BCKDK: variants seen among roughly 807,000 people sequenced by gnomAD.
The protein encoded by BCKDK is branched chain keto acid dehydrogenase kinase, also known as branched-chain alpha-ketoacid dehydrogenase kinase.
In BCKDK, 28 loss-of-function variants were observed where a neutral mutation model predicts 43.9. The ratio of observed to expected loss-of-function variants is 0.64; its 90% CI spans 0.47 to 0.87. The LOEUF is 0.87. BCKDK is among the 40% of genes least tolerant of loss of function. The pLI is 0.00. For synonymous variants in BCKDK, 257 were observed against 234.3 expected (o/e 1.10, Z -0.88); for missense variants, 483 against 581.4 (o/e 0.83, Z 1.74).
intron 10 of BCKDK, 141 bp from the exon 11 acceptor site, chr16:31,111,728 A>G: frequency 8.7e-7 from 1 of 1,144,856 alleles, no homozygotes; most frequent in South Asian, 1.5e-5. Flanking sequence ...GATGATATAA[A>G]CAAGGCCCAA....
In BCKDK at chr16:31,109,309, C is replaced by T. The variant is rs762482788; in HGVS notation, c.86C>T (p.Ala29Val). ...PLLGPALALR[A>V]RSTSATDTHH... ...CTGGGACCCGCACTCGCGCTCCGGG[C>T]CCGCTCGACGTCGGCCACCGACACA... Residue 29 changes from alanine (A) to valine (V), a missense_variant, in exon 2 of 12, where the codon GCC (alanine) becomes GTC (valine). Coordinates refer to ENST00000219794, the MANE Select transcript of BCKDK (RefSeq NM_005881.4). The surrounding 1 kb of genome is among the most constrained non-coding windows in gnomAD (Gnocchi z 5.3). The T allele has an allele frequency of 2.4e-5, 39 of 1,607,796 alleles. No homozygotes were observed. Among genetic ancestry groups the T allele is most frequent in the Middle Eastern group, 1.7e-4 (1 of 6,052 alleles).
downstream of BCKDK, among the ~76,000 whole-genome samples, chr16:31,116,786 G>A (rs145568263): frequency 6.3e-4 from 95 of 151,632 alleles, 1 homozygote; most frequent in East Asian, 0.016. Context: ...GCGTGGTGGC[G>A]CGCGATTGTA....
In BCKDK at chr16:31,112,570, T is replaced by C; in HGVS notation, c.*305T>C. 2.0e-6 allele frequency: 1 copy of C among 492,576 alleles called. No homozygotes were observed. Among genetic ancestry groups the C allele is most frequent in the Non-Finnish European group, 3.7e-6 (1 of 267,582 alleles). 30.5% of individuals were successfully genotyped at this position (492,576 alleles called of 1,614,324 possible). A position where few individuals can be genotyped will look rare whatever the true frequency, so the allele number is the denominator to read the frequency against. ...TAAAGTTCACATTTTGAATGCCCTCTCGGGCCCCGTGTGTGGGGAGGGCAG... is the reference window on the plus strand; with the variant it reads ...TAAAGTTCACATTTTGAATGCCCTCCCGGGCCCCGTGTGTGGGGAGGGCAG... On this transcript the variant is annotated 3_prime_UTR_variant, in exon 12 of 12. Transcript: ENST00000219794. This position sits in a 1 kb window ranked among gnomAD's most constrained non-coding sequence, Gnocchi z 5.0.
Position 31,109,079 on chromosome 16 carries a change from A to C in BCKDK, c.-145A>C. On this transcript the variant is annotated 5_prime_UTR_variant, in exon 2 of 12. Transcript: ENST00000219794. This position sits in a 1 kb window ranked among gnomAD's most constrained non-coding sequence, Gnocchi z 5.3. ...CTGCTCTCCGCGGGCTGAGCCTGTC[A>C]GCATCCTCGACGCACCCTGGTCCCT... is the stretch of plus-strand genomic sequence containing the variant. 1 of 677,998 alleles carries C rather than the reference A, an allele frequency of 1.5e-6. No individual in the cohort carries two copies. The highest frequency in any genetic ancestry group is 2.3e-6 in the Non-Finnish European group (1 of 436,254). 42.0% of individuals were successfully genotyped at this position (677,998 alleles called of 1,614,324 possible).
At chr16:31,112,803 G>A (rs191511774), downstream of BCKDK, 96 of 212,464 alleles carry the variant, frequency 4.5e-4, no homozygotes, top group East Asian at 0.011. The surrounding 1 kb of genome is among the most constrained non-coding windows in gnomAD (Gnocchi z 5.0). Flanking sequence ...AAATGTTTCC[G>A]GGTCCCAGAT....
rs1260602718 is a variant in BCKDK, at chr16:31,109,182, T to C, written c.-42T>C. On this transcript the variant is annotated 5_prime_UTR_variant, in exon 2 of 12. Coordinates refer to ENST00000219794, the MANE Select transcript of BCKDK (RefSeq NM_005881.4). This position sits in a 1 kb window ranked among gnomAD's most constrained non-coding sequence, Gnocchi z 5.3. ...CGCCTGGGTCCTCAGTCCTAGCGGA[T>C]CCTCAGTCCTAGCGGCCACCGGGTC... 1 of 1,467,340 alleles carries C rather than the reference T, an allele frequency of 6.8e-7. No individual in the cohort carries two copies. Among genetic ancestry groups the C allele is most frequent in the Non-Finnish European group, 9.0e-7 (1 of 1,113,046 alleles). 90.9% of individuals were successfully genotyped at this position (1,467,340 alleles called of 1,614,324 possible).
downstream of BCKDK, chr16:31,117,397 TA>T (rs2057454437): frequency 1.7e-5 from 4 of 234,770 alleles, no homozygotes; most frequent in East Asian, 2.9e-4. Context: ...AATAAATAAA[TA>T]AATTAAAAAA....
Position 31,112,767 on chromosome 16 carries a change from A to C in BCKDK, c.*502A>C. The C allele has an allele frequency of 4.4e-6, 1 of 226,308 alleles. No individual in the cohort carries two copies. The highest frequency in any genetic ancestry group is 9.0e-6 in the Non-Finnish European group (1 of 110,940). 14.0% of individuals were successfully genotyped at this position (226,308 alleles called of 1,614,324 possible). ...TGGGATGACTGCAGCACCTTATACAAAGAGCTTTCATTCATCTTGTTGAAC... is the reference window on the plus strand; with the variant it reads ...TGGGATGACTGCAGCACCTTATACACAGAGCTTTCATTCATCTTGTTGAAC... On this transcript the variant is annotated 3_prime_UTR_variant, in exon 12 of 12. Transcript: ENST00000219794. This position sits in a 1 kb window ranked among gnomAD's most constrained non-coding sequence, Gnocchi z 5.0.
At position 31,109,322 on chromosome 16, in the gene BCKDK, G is replaced by T; in HGVS notation, c.99G>T (p.Ser33=). 1.2e-6 allele frequency: 2 copies of T among 1,608,692 alleles called. No individual in the cohort carries two copies. Residue 33 remains serine, a synonymous_variant, in exon 2 of 12, where the codon TCG becomes TCT. Coordinates refer to ENST00000219794, the MANE Select transcript of BCKDK (RefSeq NM_005881.4). The surrounding 1 kb of genome is among the most constrained non-coding windows in gnomAD (Gnocchi z 5.3). ...TCGCGCTCCGGGCCCGCTCGACGTC[G>T]GCCACCGACACACACCACGTGGAGA... ...PALALRARST[S]ATDTHHVEMA...
downstream of BCKDK, among the ~76,000 whole-genome samples, chr16:31,114,637 G>A (rs1367013014): frequency 6.6e-6 from 1 of 152,184 alleles, no homozygotes; most frequent in Non-Finnish European, 1.5e-5. Flanking sequence ...AATAGCCAAA[G>A]GGAATGTTTA....
chr16:31,109,162 G>A lies in BCKDK; in HGVS notation c.-62G>A. ...CCCCTTGCCCCATTTTGGGTCGCCT[G>A]GGTCCTCAGTCCTAGCGGATCCTCA... is the stretch of plus-strand genomic sequence containing the variant. On this transcript the variant is annotated 5_prime_UTR_variant, in exon 2 of 12. Coordinates refer to ENST00000219794, the MANE Select transcript of BCKDK (RefSeq NM_005881.4). The surrounding 1 kb of genome is among the most constrained non-coding windows in gnomAD (Gnocchi z 5.3). 4 of 1,410,926 alleles carry A rather than the reference G, an allele frequency of 2.8e-6. No individual in the cohort carries two copies. The highest frequency in any genetic ancestry group is 3.7e-6 in the Non-Finnish European group (4 of 1,079,594). The allele number at this position is 1,410,926 out of a possible 1,614,324, so 87.4% of individuals were successfully genotyped here. A position where few individuals can be genotyped will look rare whatever the true frequency, so the allele number is the denominator to read the frequency against.
rs910579083 is a variant in BCKDK, at chr16:31,108,477, G to A, written c.-180G>A. ...GGACCCGGGCCCTGGCTCCGGCCCC[G>A]CGGTAAGTGGGGCGACCCCAGCCTA... On this transcript the variant is annotated splice_region_variant and 5_prime_UTR_variant, in exon 1 of 12. Coordinates refer to ENST00000219794, the MANE Select transcript of BCKDK (RefSeq NM_005881.4). The surrounding 1 kb of genome is among the most constrained non-coding windows in gnomAD (Gnocchi z 6.2). 1 of 152,196 alleles carries A rather than the reference G, an allele frequency of 6.6e-6. No individual in the cohort carries two copies. Among genetic ancestry groups the A allele is most frequent in the Non-Finnish European group, 1.5e-5 (1 of 68,038 alleles). 9.4% of individuals were successfully genotyped at this position (152,196 alleles called of 1,614,324 possible).
In BCKDK at chr16:31,109,801, T is replaced by C. The variant is rs1468653951; in HGVS notation, c.375+18T>C. ...TGCACGTGGTAAGGTAGAGAGGACC[T>C]TAGGTCAGCGGGCCACCCTGCCCCG... On this transcript the variant is annotated intron_variant, in intron 4 of 11. Coordinates refer to ENST00000219794, the MANE Select transcript of BCKDK (RefSeq NM_005881.4). The surrounding 1 kb of genome is among the most constrained non-coding windows in gnomAD (Gnocchi z 5.3). 6.2e-7 allele frequency: 1 copy of C among 1,611,806 alleles called. No homozygotes were observed. The highest frequency in any genetic ancestry group is 8.5e-7 in the Non-Finnish European group (1 of 1,178,476).
rs2057413868 is a variant in BCKDK at position 31,111,743 on chromosome 16, CT to C, written c.936-125del. On this transcript the variant is annotated intron_variant, in intron 10 of 11. Coordinates refer to ENST00000219794, the MANE Select transcript of BCKDK (RefSeq NM_005881.4). ...GATGATATAAACAAGGCCCAAGGGT[CT>C]AGGTGGACCACATTCCAGCTCTGGG... The C allele has an allele frequency of 2.3e-6, 3 of 1,295,060 alleles. No homozygotes were observed. In the East Asian group the frequency reaches 6.9e-5, roughly 30 times the overall value. The allele number at this position is 1,295,060 out of a possible 1,614,324, so 80.2% of individuals were successfully genotyped here.
chr16:31,110,932 G>A lies in BCKDK; in HGVS notation c.717-159G>A. The A allele has an allele frequency of 7.4e-7, 1 of 1,356,642 alleles. No homozygotes were observed. Among genetic ancestry groups the A allele is most frequent in the Non-Finnish European group, 1.0e-6 (1 of 982,888 alleles). 84.0% of individuals were successfully genotyped at this position (1,356,642 alleles called of 1,614,324 possible). A position where few individuals can be genotyped will look rare whatever the true frequency, so the allele number is the denominator to read the frequency against. Reference sequence around the variant, plus strand: ...ACAGGGGCTGCCCCGTGCACGTTAGGAAGTTCAGCAGCATCCCTGGCGCCA... The same window carrying A: ...ACAGGGGCTGCCCCGTGCACGTTAGAAAGTTCAGCAGCATCCCTGGCGCCA... On this transcript the variant is annotated intron_variant, in intron 8 of 11. Transcript: ENST00000219794. This position sits in a 1 kb window ranked among gnomAD's most constrained non-coding sequence, Gnocchi z 5.4.
downstream of BCKDK, chr16:31,112,907 C>T (rs1027876626): frequency 3.0e-5 from 5 of 168,374 alleles, no homozygotes; most frequent in African/African-American, 9.6e-5. The surrounding 1 kb of genome is among the most constrained non-coding windows in gnomAD (Gnocchi z 5.0). Context: ...GGTCACCAGA[C>T]TGGGCAAACT....
downstream of BCKDK, among the ~76,000 whole-genome samples, chr16:31,114,816 G>A (rs962324907): frequency 6.6e-6 from 1 of 152,256 alleles, no homozygotes; most frequent in Non-Finnish European, 1.5e-5. Context: ...AAGTCCTACA[G>A]TTGGCCCTGC....
Position 31,110,731 on chromosome 16 carries a change from AGATTATT to A in BCKDK, c.689_695del (p.Ile230ArgfsTer50), listed in dbSNP as rs1455022341. 3.1e-6 allele frequency: 5 copies of A among 1,614,066 alleles called. No individual in the cohort carries two copies. The highest frequency in any genetic ancestry group is 4.2e-6 in the Non-Finnish European group (5 of 1,180,012). On this transcript the variant is annotated frameshift_variant, in exon 8 of 12. Transcript: ENST00000219794. LOFTEE classifies it high-confidence loss of function. The surrounding 1 kb of genome is among the most constrained non-coding windows in gnomAD (Gnocchi z 5.4). ...ATCTGTACTCGTCTCTCACCAAAGA[AGATTATT>A]GAGAAGTGGGTGGACTTTGCCAGGT...
chr16:31,110,523 C>T lies in BCKDK; in HGVS notation c.642+24C>T. ...AGGTGGGGCTCTGGGACCTGAGACC[C>T]ACCTGGGAACATTAAGTGAGACAGA... On this transcript the variant is annotated intron_variant, in intron 7 of 11. Coordinates refer to ENST00000219794, the MANE Select transcript of BCKDK (RefSeq NM_005881.4). This position sits in a 1 kb window ranked among gnomAD's most constrained non-coding sequence, Gnocchi z 5.4. The T allele has an allele frequency of 6.2e-7, 1 of 1,610,660 alleles. No individual in the cohort carries two copies. Among genetic ancestry groups the T allele is most frequent in the Non-Finnish European group, 8.5e-7 (1 of 1,177,308 alleles).
Sources: allele counts gnomAD v4.1 joint callset (sites outside exome capture counted in the v4.1 genomes callset), GRCh38; gene constraint gnomAD v4.1.1; non-coding constraint Gnocchi (gnomAD v3.1); transcripts MANE v1.5; gene names NCBI Gene and HGNC (gene_info 2026-07-23, HGNC 2026-07-21).